GTF2F2: variants seen among roughly 807,000 people sequenced by gnomAD.
The protein encoded by GTF2F2 is ATP-dependent helicase GTF2F2.
Under a neutral mutation model 42.2 loss-of-function variants are expected in GTF2F2, and 23 were observed. That is an observed-to-expected ratio of 0.55 (90% CI 0.39 to 0.77). The LOEUF is 0.77. Ranked by LOEUF, GTF2F2 falls within the 30% of genes least tolerant of loss-of-function variation. GTF2F2 has a pLI of 0.00. For missense variants in GTF2F2, 261 were observed against 287.2 expected, an observed-to-expected ratio of 0.91 and a Z score of 0.66; for synonymous variants, 105 against 100.8, an observed-to-expected ratio of 1.04 and a Z score of -0.25.
chr13:45,201,652 T>C (rs1434676491), intron 4 of GTF2F2, among the ~76,000 whole-genome samples: 3 of 152,192 alleles, frequency 2.0e-5, no homozygotes, highest in Non-Finnish European at 4.4e-5. Flanking sequence ...TTTTAGGTGG[T>C]GGGATATACA....
chr13:45,257,934 A>G (rs1249657749), intron 6 of GTF2F2, among the ~76,000 whole-genome samples: 1 of 152,196 alleles, frequency 6.6e-6, no homozygotes, highest in Non-Finnish European at 1.5e-5. Context: ...TATAGTATCT[A>G]TTTTTAACTA....
intron 4 of GTF2F2, among the ~76,000 whole-genome samples, chr13:45,172,635 G>A (rs1418569443): frequency 6.6e-6 from 1 of 152,166 alleles, no homozygotes; most frequent in African/African-American, 2.4e-5. Context: ...TATATGGTAT[G>A]AAATAGGAAG....
At chr13:45,222,436 C>A (rs1455715566) in intron 5 of GTF2F2, among the ~76,000 whole-genome samples, 1 of 151,880 alleles carries the variant, frequency 6.6e-6, no homozygotes, top group African/African-American at 2.4e-5. Flanking sequence ...TTAATGTATT[C>A]CAAGTTAATT....
chr13:45,189,036 A>G (rs1872531239), intron 4 of GTF2F2, among the ~76,000 whole-genome samples: 1 of 151,970 alleles, frequency 6.6e-6, no homozygotes, highest in East Asian at 1.9e-4. Flanking sequence ...TACTTCTCCT[A>G]ACGCTATCCC....
At chr13:45,147,910 G>A (rs1167039779) in intron 2 of GTF2F2, among the ~76,000 whole-genome samples, 1 of 152,124 alleles carries the variant, frequency 6.6e-6, no homozygotes, top group African/African-American at 2.4e-5. Flanking sequence ...TTCCATGACA[G>A]GTACATTTAT....
chr13:45,261,425 C>CAAAAAA (rs976923932), intron 6 of GTF2F2, among the ~76,000 whole-genome samples: 4 of 58,872 alleles, frequency 6.8e-5, no homozygotes, highest in African/African-American at 1.8e-4. Flanking sequence ...GACTCCATCT[C>CAAAAAA]AAAAAAAAAA....
chr13:45,120,522 T>G lies in GTF2F2; in HGVS notation c.-134T>G, dbSNP rs899253608. ...TGTTCCTCTTTTCCTCGGTTCCCAG[T>G]GTTCTGGCAGGTAAGGAACGCCGGC... is the stretch of plus-strand genomic sequence containing the variant. On this transcript the variant is annotated 5_prime_UTR_variant, in exon 1 of 8. Coordinates refer to ENST00000340473, the MANE Select transcript of GTF2F2 (RefSeq NM_004128.3). 1.9e-5 allele frequency: 12 copies of G among 647,090 alleles called. No homozygotes were observed. The East Asian group carries it at 2.8e-4, about 15-fold the overall frequency. The allele number at this position is 647,090 out of a possible 1,614,324, so 40.1% of individuals were successfully genotyped here. A position where few individuals can be genotyped will look rare whatever the true frequency, so the allele number is the denominator to read the frequency against.
At chr13:45,212,459 C>CTTTTTTCTTTTCTTTTCTTTTCT in intron 5 of GTF2F2, among the ~76,000 whole-genome samples, 1 of 79,290 alleles carries the variant, frequency 1.3e-5, no homozygotes, top group Non-Finnish European at 2.7e-5. Flanking sequence ...TTCTTTCTTT[C>CTTTTTTCTTTTCTTTTCTTTTCT]TTTCTTTCTT....
chr13:45,256,490 AG>A (rs1876110599), intron 6 of GTF2F2, among the ~76,000 whole-genome samples: 1 of 152,180 alleles, frequency 6.6e-6, no homozygotes. Flanking sequence ...AGGTTGTCAT[AG>A]TGAAAATGAG....
chr13:45,276,751 T>C (rs1241259670), intron 7 of GTF2F2, among the ~76,000 whole-genome samples: 1 of 152,192 alleles, frequency 6.6e-6, no homozygotes, highest in South Asian at 2.1e-4. Flanking sequence ...TAATACAGTT[T>C]AGAAGCATGT....
At chr13:45,264,874 C>T (rs1332598435) in intron 6 of GTF2F2, among the ~76,000 whole-genome samples, 1 of 152,130 alleles carries the variant, frequency 6.6e-6, no homozygotes. Context: ...TCATGTTAAA[C>T]TTCCTAGCTT....
At chr13:45,269,370 G>A (rs1876695190) in intron 7 of GTF2F2, among the ~76,000 whole-genome samples, 1 of 152,252 alleles carries the variant, frequency 6.6e-6, no homozygotes, top group African/African-American at 2.4e-5. Context: ...TGCCAAGAAA[G>A]TGTGGAATGC....
intron 1 of GTF2F2, chr13:45,124,283 C>T (rs965024681): frequency 8.9e-5 from 22 of 248,206 alleles, no homozygotes; most frequent in Admixed American, 5.7e-4. Flanking sequence ...GGGGTTTCAC[C>T]GTGTTAGCCA....
intron 4 of GTF2F2, among the ~76,000 whole-genome samples, chr13:45,166,337 A>T (rs1871296953): frequency 6.6e-6 from 1 of 152,168 alleles, no homozygotes; most frequent in South Asian, 2.1e-4. Flanking sequence ...CATGGATTGC[A>T]GTTATATAGG....
Position 45,228,346 on chromosome 13 carries a change from A to T in GTF2F2, c.386+20841A>T, listed in dbSNP as rs148070543. ...TTGCCAGAAAACAAGGTGACAAATT[A>T]TAGGAATTACCAATGAGGAATCCTT... On this transcript the variant is annotated intron_variant, in intron 5 of 7. Coordinates refer to ENST00000340473, the MANE Select transcript of GTF2F2 (RefSeq NM_004128.3). 6.6e-4 allele frequency among the ~76,000 whole-genome samples: 86 copies of T among 131,248 alleles called. No homozygotes were observed. The East Asian group carries it at 9.1e-3, about 14-fold the overall frequency. The allele number at this position is 131,248 out of a possible 152,430, so 86.1% of individuals were successfully genotyped here.
chr13:45,279,073 T>G (rs1877152668), intron 7 of GTF2F2, among the ~76,000 whole-genome samples: 1 of 152,114 alleles, frequency 6.6e-6, no homozygotes, highest in Non-Finnish European at 1.5e-5. Flanking sequence ...TCCACCCGCC[T>G]CAGCCTCCCA....
rs1387345165 is a variant in GTF2F2, at chr13:45,227,076, G to A, written c.386+19571G>A. 2.6e-5 allele frequency among the ~76,000 whole-genome samples: 4 copies of A among 152,148 alleles called. No individual in the cohort carries two copies. The East Asian group carries it at 7.7e-4, about 29-fold the overall frequency. On this transcript the variant is annotated intron_variant, in intron 5 of 7. Coordinates refer to ENST00000340473, the MANE Select transcript of GTF2F2 (RefSeq NM_004128.3). ...GATCATGCCACTACACTCCAGCCTG[G>A]GCAACAGAGTGAGACCTTGTCTCAA... is the stretch of plus-strand genomic sequence containing the variant.
chr13:45,251,471 G>A (rs954637717), intron 5 of GTF2F2, among the ~76,000 whole-genome samples: 3 of 152,036 alleles, frequency 2.0e-5, no homozygotes, highest in Admixed American at 6.6e-5. Flanking sequence ...TTTTAAGAAA[G>A]TGTACTTCTT....
chr13:45,189,796 C>A (rs1272663822), intron 4 of GTF2F2, among the ~76,000 whole-genome samples: 1 of 152,026 alleles, frequency 6.6e-6, no homozygotes, highest in East Asian at 1.9e-4. Flanking sequence ...GATTTGCAGT[C>A]AAAAATCAAT....
Sources: allele counts gnomAD v4.1 joint callset (sites outside exome capture counted in the v4.1 genomes callset), GRCh38; gene constraint gnomAD v4.1.1; transcripts MANE v1.5; gene names NCBI Gene and HGNC (gene_info 2026-07-23, HGNC 2026-07-21).